Variants in PPFIA2 observed in about 807,000 individuals in gnomAD.
The protein encoded by PPFIA2 is PPFI scaffold protein A2, also known as liprin-alpha-2.
Under a neutral mutation model 175.5 loss-of-function variants are expected in PPFIA2, and 46 were observed. The ratio of observed to expected loss-of-function variants is 0.26; its 90% CI spans 0.21 to 0.34. PPFIA2 has a LOEUF of 0.34. Ranked by LOEUF, PPFIA2 falls within the 10% of genes least tolerant of loss-of-function variation. The pLI is 1.00. For synonymous variants in PPFIA2, 568 were observed against 511.4 expected (o/e 1.11, Z -1.49); for missense variants, 1,179 against 1,506.1 (o/e 0.78, Z 3.60).
intron 25 of PPFIA2, 36 bp downstream of exon 25, chr12:81,284,205 C>T (rs774141134): frequency 1.3e-6 from 2 of 1,492,762 alleles, no homozygotes; most frequent in African/African-American, 1.4e-5. Context: ...AGCAAAGTCA[C>T]TTTCCTTCAG....
chr12:81,629,026 T>C (rs1336335131), intron 4 of PPFIA2, among the ~76,000 whole-genome samples: 1 of 152,134 alleles, frequency 6.6e-6, no homozygotes, highest in Admixed American at 6.5e-5. Context: ...TCTAAATTAG[T>C]TGACCTTTCT....
intron 4 of PPFIA2, among the ~76,000 whole-genome samples, chr12:81,468,213 C>A (rs935970014): frequency 5.9e-5 from 9 of 152,186 alleles, no homozygotes; most frequent in Admixed American, 3.3e-4. Flanking sequence ...AATTAATGCT[C>A]TTGTCCTTAA....
At chr12:81,572,316 T>C (rs181347233) in intron 4 of PPFIA2, among the ~76,000 whole-genome samples, 37 of 152,108 alleles carry the variant, frequency 2.4e-4, no homozygotes, top group African/African-American at 8.7e-4. Context: ...CTTTAAAAAA[T>C]AGCAACTTCT....
chr12:81,560,299 A>G (rs934057229), intron 4 of PPFIA2, among the ~76,000 whole-genome samples: 2 of 151,896 alleles, frequency 1.3e-5, no homozygotes, highest in African/African-American at 4.8e-5. Flanking sequence ...CTAGAGAGAG[A>G]GACAGAGAGA....
intron 4 of PPFIA2, among the ~76,000 whole-genome samples, chr12:81,485,238 T>C (rs1300026819): frequency 6.6e-6 from 1 of 151,886 alleles, no homozygotes; most frequent in Non-Finnish European, 1.5e-5. Context: ...TATGCACTTT[T>C]AAGAAGACAT....
chr12:81,598,552 G>GT (rs1253045966), intron 4 of PPFIA2, among the ~76,000 whole-genome samples: 1 of 151,556 alleles, frequency 6.6e-6, no homozygotes, highest in Non-Finnish European at 1.5e-5. Flanking sequence ...ACAAATTGCT[G>GT]TTTTATCACT....
intron 7 of PPFIA2, among the ~76,000 whole-genome samples, chr12:81,427,416 G>C (rs2047337748): frequency 6.6e-6 from 1 of 151,920 alleles, no homozygotes; most frequent in Admixed American, 6.6e-5. Flanking sequence ...TGTGGGTTCG[G>C]GGTATTGTTA....
chr12:81,677,899 G>A (rs1418910376), intron 3 of PPFIA2, among the ~76,000 whole-genome samples: 5 of 151,786 alleles, frequency 3.3e-5, no homozygotes, highest in East Asian at 1.9e-4. Context: ...TTTGGTTCCA[G>A]GGTTACTAAT....
chr12:81,266,433 A>G (rs2037284575), intron 30 of PPFIA2, among the ~76,000 whole-genome samples: 1 of 152,184 alleles, frequency 6.6e-6, no homozygotes, highest in Non-Finnish European at 1.5e-5. Context: ...TATATTCAAT[A>G]TAGCTTTCAA....
In PPFIA2 at chr12:81,745,923, G is replaced by A. The variant is rs759377104; in HGVS notation, c.249+8050C>T. Among the ~76,000 whole-genome samples, 51 of 152,158 alleles carry A rather than the reference G, an allele frequency of 3.4e-4. 1 individual carries two copies. Among genetic ancestry groups the A allele is most frequent in the Non-Finnish European group, 6.8e-4 (46 of 68,038 alleles). ...TGCTCTCATTTCTCATACATGGAGT[G>A]GTAGACTATGTACAACAAACAAACA... On this transcript the variant is annotated intron_variant, in intron 3 of 32. Transcript: ENST00000549396.
intron 7 of PPFIA2, among the ~76,000 whole-genome samples, chr12:81,407,441 C>T (rs1025962840): frequency 2.7e-5 from 4 of 150,382 alleles, no homozygotes; most frequent in African/African-American, 9.8e-5. Flanking sequence ...TGAGATTGCG[C>T]GACTGCACTC....
At position 81,510,380 on chromosome 12, in the gene PPFIA2, G is replaced by A. The variant is rs142549756; in HGVS notation, c.304-52514C>T. The stretch of plus-strand genomic sequence containing the variant: ...ATTAATCACATAGAAACTCAAACTC[G>A]TTTTACATTTGAATCTGGTAATTGT... On this transcript the variant is annotated intron_variant, in intron 4 of 32. Coordinates refer to ENST00000549396, the MANE Select transcript of PPFIA2 (RefSeq NM_003625.5). Among the ~76,000 whole-genome samples the A allele has an allele frequency of 5.3e-5, 8 of 152,054 alleles. No individual in the cohort carries two copies. The South Asian group carries it at 8.3e-4, about 16-fold the overall frequency.
chr12:81,350,158 C>A (rs12424630), intron 17 of PPFIA2, among the ~76,000 whole-genome samples: 9,417 of 151,232 alleles, frequency 0.062, 375 homozygotes, highest in African/African-American at 0.12. Flanking sequence ...CTCTTTGGTG[C>A]AAATAAATAT....
At chr12:81,410,751 G>A (rs1318621450) in intron 7 of PPFIA2, among the ~76,000 whole-genome samples, 1 of 152,000 alleles carries the variant, frequency 6.6e-6, no homozygotes, top group Non-Finnish European at 1.5e-5. Context: ...ACCCAAGCCA[G>A]GGAAATCAGA....
intron 26 of PPFIA2, among the ~76,000 whole-genome samples, chr12:81,282,110 A>C (rs988324213): frequency 1.3e-5 from 2 of 152,054 alleles, no homozygotes; most frequent in African/African-American, 4.8e-5. Context: ...ATAACAAACA[A>C]ACTATTCTTA....
intron 4 of PPFIA2, among the ~76,000 whole-genome samples, chr12:81,529,487 T>C (rs953947072): frequency 5.9e-5 from 9 of 151,830 alleles, no homozygotes; most frequent in East Asian, 1.9e-4. Context: ...ATATAAGCTG[T>C]ATATTTATTC....
intron 4 of PPFIA2, among the ~76,000 whole-genome samples, chr12:81,636,578 T>TA (rs59088035): frequency 0.072 from 10,326 of 142,770 alleles, 456 homozygotes; most frequent in East Asian, 0.25. Context: ...TCTCTGATAT[T>TA]AAAAAAAAAA....
chr12:81,717,104 C>A (rs2078724953), intron 3 of PPFIA2, among the ~76,000 whole-genome samples: 1 of 151,508 alleles, frequency 6.6e-6, no homozygotes, highest in African/African-American at 2.4e-5. Flanking sequence ...GGCCAGATAG[C>A]AAATATTTTA....
intron 4 of PPFIA2, among the ~76,000 whole-genome samples, chr12:81,584,081 C>A (rs2074824491): frequency 1.3e-5 from 2 of 151,776 alleles, no homozygotes; most frequent in African/African-American, 4.8e-5. Flanking sequence ...TTTGTTTTAA[C>A]CTCTTATGCT....
Sources: gnomAD v4.1 joint callset for allele counts (sites outside exome capture counted in the v4.1 genomes callset) on GRCh38, gnomAD v4.1.1 for gene constraint, MANE v1.5 for transcripts, NCBI Gene and HGNC (gene_info 2026-07-23, HGNC 2026-07-21) for gene names.